Variants in WDR44 observed in about 807,000 individuals in gnomAD.
WDR44 encodes WD repeat-containing protein 44.
A neutral mutation model predicts 65.7 loss-of-function variants in WDR44; 9 were observed. The observed-to-expected ratio is 0.14, with a 90% CI of 0.08 to 0.24. The LOEUF is 0.24. Ranked by LOEUF, WDR44 falls within the 10% of genes least tolerant of loss-of-function variation. The pLI is 1.00. For synonymous variants in WDR44, 220 were observed against 235.2 expected (o/e 0.94, Z 0.59); for missense variants, 425 against 670.9 (o/e 0.63, Z 4.05).
intron 1 of WDR44, among the ~76,000 whole-genome samples, chrX:118,364,243 T>G (rs1470858380): frequency 8.9e-6 from 1 of 112,557 alleles, no homozygotes; most frequent in Non-Finnish European, 1.9e-5. Context: ...AGTGCCAGTT[T>G]AGAGCATTAA....
intron 2 of WDR44, among the ~76,000 whole-genome samples, chrX:118,380,534 C>T (rs2056705142): frequency 8.9e-6 from 1 of 111,734 alleles, no homozygotes; most frequent in Non-Finnish European, 1.9e-5. Context: ...TTGTCTGTAT[C>T]AATGGTTTGT....
At position 118,394,089 on chromosome X, in the gene WDR44, A is replaced by G. The variant is rs780333826; in HGVS notation, c.861A>G (p.Leu287=). 2.5e-6 allele frequency: 3 copies of G among 1,209,522 alleles called. No homozygotes were observed. The African/African-American group carries it at 5.2e-5, about 21-fold the overall frequency. ...PKENITSDSL[L]TASMASESTV... is the part of the protein sequence containing the mutation. ...AGAATATTACGTCTGATTCTCTCCTAACCGCAAGCATGGCTTCAGAAAGTA... is the reference window on the plus strand; with the variant it reads ...AGAATATTACGTCTGATTCTCTCCTGACCGCAAGCATGGCTTCAGAAAGTA... Residue 287 remains leucine (L), a synonymous_variant, in exon 5 of 20, where the codon CTA becomes CTG. Coordinates refer to ENST00000254029, the MANE Select transcript of WDR44 (RefSeq NM_019045.5).
At chrX:118,441,296 C>T in intron 14 of WDR44, 72 bp from the exon 15 acceptor site, 2 of 971,389 alleles carry the variant, frequency 2.1e-6, no homozygotes, top group Non-Finnish European at 2.9e-6. Flanking sequence ...AATAGACTTA[C>T]TGATTTGATT....
intron 1 of WDR44, among the ~76,000 whole-genome samples, chrX:118,368,483 T>A (rs6646175): frequency 6.8e-5 from 6 of 87,629 alleles, no homozygotes; most frequent in South Asian, 5.5e-4. Flanking sequence ...ATATATATAC[T>A]TCTTGAGGAC....
chrX:118,409,755 G>T, intron 11 of WDR44, 128 bp downstream of exon 11: 1 of 671,481 alleles, frequency 1.5e-6, no homozygotes, highest in East Asian at 3.8e-5. Flanking sequence ...AAACTTGAAA[G>T]TAAGACAGAC....
At chrX:118,360,975 A>G (rs922105927) in intron 1 of WDR44, among the ~76,000 whole-genome samples, 2 of 111,462 alleles carry the variant, frequency 1.8e-5, no homozygotes, top group African/African-American at 6.5e-5. Flanking sequence ...ACCTGACAAA[A>G]GGCTTCTGCA....
Position 118,346,396 on chromosome X carries a change from G to A in WDR44, c.-108G>A. 1.5e-6 allele frequency: 1 copy of A among 675,987 alleles called. No homozygotes were observed. The highest frequency in any genetic ancestry group is 2.4e-6 in the Non-Finnish European group (1 of 419,643). 55.7% of individuals were successfully genotyped at this position (675,987 alleles called of 1,213,427 possible). Reference sequence around the variant, plus strand: ...ATCGTCTGCTCCCTCAGCCTCGCCCGAGACCCACTTCCCCAGTCTCGCCCG... The same window carrying A: ...ATCGTCTGCTCCCTCAGCCTCGCCCAAGACCCACTTCCCCAGTCTCGCCCG... On this transcript the variant is annotated 5_prime_UTR_variant, in exon 1 of 20. Coordinates refer to ENST00000254029, the MANE Select transcript of WDR44 (RefSeq NM_019045.5).
chrX:118,357,761 G>A lies in WDR44; in HGVS notation c.77+11181G>A, dbSNP rs1322802228. ...TAACCAGGCATGGTGGTACTTGCCT[G>A]TAGTCCCAGCTAGGTGGGCGTAGAG... On this transcript the variant is annotated intron_variant, in intron 1 of 19. Coordinates refer to ENST00000254029, the MANE Select transcript of WDR44 (RefSeq NM_019045.5). 2.7e-5 allele frequency among the ~76,000 whole-genome samples: 3 copies of A among 110,371 alleles called. No individual in the cohort carries two copies. The East Asian group carries it at 8.4e-4, about 31-fold the overall frequency.
At chrX:118,387,529 G>A in intron 3 of WDR44, 115 bp downstream of exon 3, 1 of 390,303 alleles carries the variant, frequency 2.6e-6, no homozygotes, top group Non-Finnish European at 4.1e-6. Context: ...CTGATGTTCA[G>A]CAAATGTTTC....
At chrX:118,376,499 G>A (rs963376871) in intron 1 of WDR44, among the ~76,000 whole-genome samples, 3 of 110,869 alleles carry the variant, frequency 2.7e-5, no homozygotes, top group Non-Finnish European at 3.8e-5. Flanking sequence ...TCATCTTGAA[G>A]GTGCCTTTCA....
At chrX:118,381,058 G>C (rs1237727346) in intron 2 of WDR44, among the ~76,000 whole-genome samples, 2 of 112,019 alleles carry the variant, frequency 1.8e-5, no homozygotes, top group Non-Finnish European at 3.8e-5. Flanking sequence ...ATTGTGATGA[G>C]CCTTGAATGT....
intron 9 of WDR44, 26 bp from the exon 10 acceptor site, chrX:118,406,849 G>A: frequency 5.1e-6 from 6 of 1,178,020 alleles, no homozygotes; most frequent in Non-Finnish European, 6.9e-6. Flanking sequence ...TTAGCTAGTA[G>A]TGATTTCTGT....
At chrX:118,439,381 G>A (rs7049341) in intron 14 of WDR44, among the ~76,000 whole-genome samples, 1 of 108,439 alleles carries the variant, frequency 9.2e-6, no homozygotes, top group African/African-American at 3.4e-5. Context: ...TTCAAGACCA[G>A]CCTGGCCAAC....
chrX:118,373,805 T>C (rs953890085), intron 1 of WDR44, among the ~76,000 whole-genome samples: 6 of 111,784 alleles, frequency 5.4e-5, no homozygotes, highest in Non-Finnish European at 7.5e-5. Context: ...TTTTTTGTTA[T>C]GTAAAATAGA....
intron 1 of WDR44, among the ~76,000 whole-genome samples, chrX:118,373,114 A>G (rs1272576313): frequency 9.0e-6 from 1 of 110,567 alleles, no homozygotes. Context: ...CAACAACAAC[A>G]ACAACAAAAA....
Position 118,421,254 on chromosome X carries a change from A to G in WDR44, c.1737+10295A>G, listed in dbSNP as rs981268316. ...ATAGAGACTATCTGTAGTATCTTTT[A>G]TTGCGCTTATTTCAGCAATCCTACT... is the stretch of plus-strand genomic sequence containing the variant. On this transcript the variant is annotated intron_variant, in intron 12 of 19. Transcript: ENST00000254029. 1.7e-4 allele frequency among the ~76,000 whole-genome samples: 19 copies of G among 112,162 alleles called. No homozygotes were observed. In the Admixed American group the frequency reaches 1.7e-3, roughly 10 times the overall value.
chrX:118,386,147 ATAAT>A (rs2056763916), intron 2 of WDR44, among the ~76,000 whole-genome samples: 2 of 111,439 alleles, frequency 1.8e-5, no homozygotes, highest in South Asian at 7.5e-4. Flanking sequence ...TGCCACCTAA[ATAAT>A]TAATGTGCCT....
chrX:118,406,089 A>G lies in WDR44; in HGVS notation c.1382-786A>G, dbSNP rs149036425. On this transcript the variant is annotated intron_variant, in intron 9 of 19. Coordinates refer to ENST00000254029, the MANE Select transcript of WDR44 (RefSeq NM_019045.5). ...CAAGAGTTCAGGGCTGCAATGAGCT[A>G]TGATTGCACCATTGCACTCCAACCT... 8.0e-3 allele frequency among the ~76,000 whole-genome samples: 894 copies of G among 111,967 alleles called. 7 individuals are homozygous for G. Among genetic ancestry groups the G allele is most frequent in the Non-Finnish European group, 0.011 (595 of 53,198 alleles).
intron 19 of WDR44, among the ~76,000 whole-genome samples, chrX:118,447,835 C>T (rs2147759062): frequency 9.9e-6 from 1 of 101,198 alleles, no homozygotes; most frequent in African/African-American, 3.6e-5. Flanking sequence ...GATGGTGCCA[C>T]TGCATTCCAG....
Sources: gnomAD v4.1 joint callset for allele counts (sites outside exome capture counted in the v4.1 genomes callset) on GRCh38, gnomAD v4.1.1 for gene constraint, MANE v1.5 for transcripts, NCBI Gene and HGNC (gene_info 2026-07-23, HGNC 2026-07-21) for gene names.